The following EBF3 variants were observed in gnomAD, a reference collection of about 807,000 sequenced individuals.
The protein encoded by EBF3 is EBF transcription factor 3.
EBF3 carries 18 observed loss-of-function variants against 77.1 expected under a neutral mutation model. The observed-to-expected ratio is 0.23, with a 90% CI of 0.16 to 0.35. EBF3 has a LOEUF of 0.35. Ranked by LOEUF, EBF3 falls within the 10% of genes least tolerant of loss-of-function variation. The pLI is 1.00. For synonymous variants in EBF3, 350 were observed against 343.5 expected (o/e 1.02, Z -0.21); for missense variants, 558 against 860.0 (o/e 0.65, Z 4.39).
chr10:129,862,843 C>A (rs892285729), intron 10 of EBF3, among the ~76,000 whole-genome samples: 1 of 152,108 alleles, frequency 6.6e-6, no homozygotes, highest in Admixed American at 6.6e-5. Context: ...TACTCTTAAC[C>A]ATTTGATGCG....
At chr10:129,914,811 T>C (rs1364027164) in intron 6 of EBF3, among the ~76,000 whole-genome samples, 1 of 152,040 alleles carries the variant, frequency 6.6e-6, no homozygotes, top group African/African-American at 2.4e-5. Flanking sequence ...CCCCACCTTC[T>C]CCCTGCACCC....
At chr10:129,862,040 T>C (rs1234813660) in intron 10 of EBF3, among the ~76,000 whole-genome samples, 2 of 152,044 alleles carry the variant, frequency 1.3e-5, no homozygotes, top group African/African-American at 4.8e-5. Flanking sequence ...TGGGACTAAA[T>C]TGTGGACACC....
chr10:129,921,401 G>A (rs1032144415), intron 6 of EBF3, among the ~76,000 whole-genome samples: 4 of 152,136 alleles, frequency 2.6e-5, no homozygotes, highest in Non-Finnish European at 5.9e-5. Context: ...TCACCTGGGG[G>A]AAAAGTCACC....
At chr10:129,926,790 T>C (rs1346065922) in intron 6 of EBF3, among the ~76,000 whole-genome samples, 1 of 152,202 alleles carries the variant, frequency 6.6e-6, no homozygotes, top group Non-Finnish European at 1.5e-5. Flanking sequence ...AGGACACACA[T>C]AGCCAAGGCC....
In EBF3 at chr10:129,842,080, G is replaced by A. The variant is rs143017284; in HGVS notation, c.1372+36C>T. The A allele has an allele frequency of 9.4e-5, 151 of 1,613,578 alleles. No individual in the cohort carries two copies. The highest frequency in any genetic ancestry group is 1.2e-4 in the Non-Finnish European group (136 of 1,179,712). On this transcript the variant is annotated intron_variant, in intron 13 of 16. Transcript: ENST00000440978. The surrounding 1 kb of genome is among the most constrained non-coding windows in gnomAD (Gnocchi z 4.4). ...AGGCCTCAACCAACCCTCGGAGGGC[G>A]TTCAGGGCAGGGGTCCTCCCAGCAT...
At position 129,848,549 on chromosome 10, in the gene EBF3, C is replaced by A; in HGVS notation, c.1040-69G>T. The stretch of plus-strand genomic sequence containing the variant: ...TGTCATCCATTACTCGTTTATTGCA[C>A]ACTTACAAATAAATGTGTAGTTCTC... On this transcript the variant is annotated intron_variant, in intron 10 of 16. Coordinates refer to ENST00000440978, the MANE Select transcript of EBF3 (RefSeq NM_001375380.1). This position sits in a 1 kb window ranked among gnomAD's most constrained non-coding sequence, Gnocchi z 4.4. 1 of 1,500,398 alleles carries A rather than the reference C, an allele frequency of 6.7e-7. No homozygotes were observed. The allele number at this position is 1,500,398 out of a possible 1,614,324, so 92.9% of individuals were successfully genotyped here.
chr10:129,929,397 G>A (rs747467507), intron 6 of EBF3, among the ~76,000 whole-genome samples: 1 of 151,956 alleles, frequency 6.6e-6, no homozygotes, highest in African/African-American at 2.4e-5. Flanking sequence ...ATAGATACAG[G>A]GTTTCACCAT....
chr10:129,957,400 T>TTTCTGACA, intron 5 of EBF3, 74 bp from the exon 6 acceptor site: 2 of 1,330,874 alleles, frequency 1.5e-6, no homozygotes, highest in Non-Finnish European at 2.1e-6. Context: ...TTTTTTTTTT[T>TTTCTGACA]TCTGACGTCT....
intron 10 of EBF3, among the ~76,000 whole-genome samples, chr10:129,862,114 C>A (rs554533390): frequency 6.6e-6 from 1 of 152,124 alleles, no homozygotes; most frequent in Non-Finnish European, 1.5e-5. Context: ...CACAGCGTCG[C>A]CCCTTGACAC....
intron 6 of EBF3, among the ~76,000 whole-genome samples, chr10:129,909,045 T>C (rs1589834913): frequency 1.3e-5 from 2 of 152,210 alleles, no homozygotes; most frequent in Non-Finnish European, 2.9e-5. Context: ...AGGCTTTCCT[T>C]CTGAATTAGA....
intron 6 of EBF3, among the ~76,000 whole-genome samples, chr10:129,907,130 A>G (rs1460212634): frequency 6.6e-6 from 1 of 152,248 alleles, no homozygotes; most frequent in African/African-American, 2.4e-5. Context: ...AGAAGGGGGA[A>G]GCGGCTGACA....
intron 6 of EBF3, among the ~76,000 whole-genome samples, chr10:129,948,377 T>TCCAGGGGTG (rs1858403558): frequency 6.7e-6 from 1 of 148,562 alleles, no homozygotes; most frequent in East Asian, 2.0e-4. Flanking sequence ...AGTAAAAGGA[T>TCCAGGGGTG]CCAGGGGTGC....
chr10:129,954,246 T>C (rs1305477009), intron 6 of EBF3, among the ~76,000 whole-genome samples: 3 of 152,198 alleles, frequency 2.0e-5, no homozygotes, highest in African/African-American at 7.2e-5. Flanking sequence ...GTTTCTTCTT[T>C]GCTCCGTAAG....
intron 5 of EBF3, 57 bp from the exon 6 acceptor site, chr10:129,957,383 C>A: frequency 4.4e-5 from 58 of 1,330,302 alleles, no homozygotes; most frequent in African/African-American, 5.4e-5. Context: ...TTATGCCCGA[C>A]TTGTATTTTT....
chr10:129,911,799 G>A (rs952723240), intron 6 of EBF3, among the ~76,000 whole-genome samples: 4 of 152,168 alleles, frequency 2.6e-5, no homozygotes, highest in Admixed American at 6.5e-5. Context: ...GGAAGCCCAA[G>A]CCCAGGTGGA....
At chr10:129,957,386 G>GCAT in intron 5 of EBF3, 60 bp from the exon 6 acceptor site, 1 of 1,196,386 alleles carries the variant, frequency 8.4e-7, no homozygotes, top group Non-Finnish European at 1.1e-6. Flanking sequence ...TGCCCGACTT[G>GCAT]TATTTTTTTT....
chr10:129,838,994 G>A (rs1449126440), intron 16 of EBF3, 89 bp downstream of exon 16: 57 of 1,204,322 alleles, frequency 4.7e-5, no homozygotes, highest in Middle Eastern at 2.2e-4. Context: ...CTGATGGCAC[G>A]CAGGCCAGTC....
chr10:129,890,073 T>C lies in EBF3; in HGVS notation c.555-12224A>G, dbSNP rs532807900. ...GGGCACACTCATGTGCCCGAGTCCT[T>C]ACCCCGACGCTTGGAGACACAGCTG... is the stretch of plus-strand genomic sequence containing the variant. On this transcript the variant is annotated intron_variant, in intron 6 of 16. Transcript: ENST00000440978. Among the ~76,000 whole-genome samples, 8 of 149,960 alleles carry C rather than the reference T, an allele frequency of 5.3e-5. No individual in the cohort carries two copies. The East Asian group carries it at 8.2e-4, about 15-fold the overall frequency.
At chr10:129,942,385 G>T (rs1411315177) in intron 6 of EBF3, among the ~76,000 whole-genome samples, 1 of 152,172 alleles carries the variant, frequency 6.6e-6, no homozygotes, top group African/African-American at 2.4e-5. Context: ...GCTGAATACT[G>T]ACGCTGGGGG....
Sources: allele counts gnomAD v4.1 joint callset (sites outside exome capture counted in the v4.1 genomes callset), GRCh38; gene constraint gnomAD v4.1.1; non-coding constraint Gnocchi (gnomAD v3.1); transcripts MANE v1.5; gene names NCBI Gene and HGNC (gene_info 2026-07-23, HGNC 2026-07-21).